The following TET3 variants were observed in gnomAD, a reference collection of about 807,000 sequenced individuals.
TET3 encodes the protein methylcytosine dioxygenase TET3.
TET3 carries 19 observed loss-of-function variants against 141.4 expected under a neutral mutation model. The ratio of observed to expected loss-of-function variants is 0.13; its 90% CI spans 0.09 to 0.20. The LOEUF (loss-of-function observed/expected upper bound fraction) is 0.20. Ranked by LOEUF, TET3 falls within the 10% of genes least tolerant of loss-of-function variation. TET3 has a pLI of 1.00. For synonymous variants in TET3, 1,043 were observed against 980.9 expected (o/e 1.06, Z -1.18); for missense variants, 1,874 against 2,356.9 (o/e 0.80, Z 4.24).
intron 2 of TET3, among the ~76,000 whole-genome samples, chr2:73,996,805 G>A (rs1032801465): frequency 1.3e-5 from 2 of 152,208 alleles, no homozygotes; most frequent in African/African-American, 2.4e-5. Context: ...CACCATGACC[G>A]GCTTGATAAC....
At chr2:74,083,142 C>G (rs756767807) in intron 6 of TET3, among the ~76,000 whole-genome samples, 1 of 152,026 alleles carries the variant, frequency 6.6e-6, no homozygotes, top group Admixed American at 6.6e-5. Flanking sequence ...GAGAGGATGA[C>G]CTAGGAAGCA....
chr2:74,013,669 G>A (rs925339036), intron 3 of TET3, among the ~76,000 whole-genome samples: 3 of 151,984 alleles, frequency 2.0e-5, no homozygotes, highest in South Asian at 2.1e-4. Flanking sequence ...AAAATTAGCC[G>A]GGCGTGGTGG....
intron 3 of TET3, among the ~76,000 whole-genome samples, chr2:74,011,999 C>T (rs373759166): frequency 3.9e-5 from 6 of 152,200 alleles, no homozygotes; most frequent in Non-Finnish European, 5.9e-5. Context: ...CTGGCCCTGC[C>T]GCCCAGGTTG....
intron 3 of TET3, among the ~76,000 whole-genome samples, chr2:74,003,819 A>G (rs1245948149): frequency 3.0e-5 from 3 of 101,106 alleles, no homozygotes; most frequent in African/African-American, 1.2e-4. Context: ...GAAGCAGAGA[A>G]GGGGGCACTG....
chr2:73,984,833 G>C (rs1466416752), upstream of TET3, among the ~76,000 whole-genome samples: 1 of 146,610 alleles, frequency 6.8e-6, no homozygotes, highest in Admixed American at 6.7e-5. The surrounding 1 kb of genome is among the most constrained non-coding windows in gnomAD (Gnocchi z 5.6). Context: ...GGCGGGGCTC[G>C]GCGGGGCCGC....
chr2:74,101,741 C>A lies in TET3; in HGVS notation c.4953C>A (p.Ile1651=). The change falls in exon 12 of 12, where the codon ATC becomes ATA. Residue 1651 remains isoleucine (I), a synonymous_variant. Transcript: ENST00000409262. This position sits in a 1 kb window ranked among gnomAD's most constrained non-coding sequence, Gnocchi z 8.5. Reference sequence around the variant, plus strand: ...AACACAACTTCCTGGACGAGAACATCGGCGGCGTGGCCGTGGCCCCAGCCC... The same window carrying A: ...AACACAACTTCCTGGACGAGAACATAGGCGGCGTGGCCGTGGCCCCAGCCC... ...DSEHNFLDEN[I]GGVAVAPAHG... is the part of the protein sequence containing the mutation. The A allele has an allele frequency of 6.2e-7, 1 of 1,613,306 alleles. No individual in the cohort carries two copies. Among genetic ancestry groups the A allele is most frequent in the African/African-American group, 1.3e-5 (1 of 75,056 alleles).
In TET3 at chr2:73,986,118, G is replaced by A. The variant is rs2272165; in HGVS notation, c.-286G>A. The A allele has an allele frequency of 0.067, 19,050 of 285,598 alleles. 1,910 individuals are homozygous for A. The highest frequency in any genetic ancestry group is 0.25 in the African/African-American group (11,663 of 46,200). The allele number at this position is 285,598 out of a possible 1,614,324, so 17.7% of individuals were successfully genotyped here. On this transcript the variant is annotated 5_prime_UTR_variant, in exon 2 of 12. Coordinates refer to ENST00000409262, the MANE Select transcript of TET3 (RefSeq NM_001287491.2). Reference sequence around the variant, plus strand: ...GGTGGGTGAGGGTGAAGAACCCACCGGGCCAAGATGATCCCTTTTCTGAGG... The same window carrying A: ...GGTGGGTGAGGGTGAAGAACCCACCAGGCCAAGATGATCCCTTTTCTGAGG...
At chr2:74,113,006 C>CAAAAAA (rs60299737), downstream of TET3, among the ~76,000 whole-genome samples, 35 of 34,366 alleles carry the variant, frequency 1.0e-3, 3 homozygotes, top group South Asian at 3.0e-3. Flanking sequence ...GACTCCGTCT[C>CAAAAAA]AAAAAAAAAA....
chr2:74,113,861 TA>T, the TET3 span, among the ~76,000 whole-genome samples: 1 of 151,840 alleles, frequency 6.6e-6, no homozygotes, highest in Non-Finnish European at 1.5e-5. Flanking sequence ...TTCATATTAT[TA>T]ACATAATAAT....
intron 5 of TET3, among the ~76,000 whole-genome samples, chr2:74,074,335 G>C (rs572701956): frequency 7.6e-4 from 115 of 152,302 alleles, no homozygotes; most frequent in African/African-American, 2.6e-3. Context: ...ATTGTTTTTA[G>C]GCTGCTTATG....
intron 5 of TET3, among the ~76,000 whole-genome samples, chr2:74,077,077 C>G (rs1376527377): frequency 6.6e-6 from 1 of 152,232 alleles, no homozygotes; most frequent in South Asian, 2.1e-4. Context: ...GAAGGAGATT[C>G]TCTGCAGCCT....
chr2:74,076,773 C>G (rs892654799), intron 5 of TET3, among the ~76,000 whole-genome samples: 2 of 152,100 alleles, frequency 1.3e-5, no homozygotes, highest in Non-Finnish European at 2.9e-5. Context: ...GTCTCTTTTC[C>G]TAGACTCTTC....
intron 3 of TET3, among the ~76,000 whole-genome samples, chr2:74,006,281 G>A (rs1015469659): frequency 7.2e-5 from 11 of 152,238 alleles, no homozygotes; most frequent in African/African-American, 2.7e-4. Flanking sequence ...AAGGAACTAA[G>A]CAAGAGATTT....
chr2:73,988,990 G>GTTTTTTTTTTTTTTTTTTTTTTTTTTTTT, intron 2 of TET3, among the ~76,000 whole-genome samples: 1 of 106,304 alleles, frequency 9.4e-6, no homozygotes, highest in Non-Finnish European at 2.0e-5. Context: ...AAAAAAAAAA[G>GTTTTTTTTTTTTTTTTTTTTTTTTTTTTT]TTTTTTTTGT....
chr2:74,068,759 G>A (rs549873046), intron 4 of TET3, among the ~76,000 whole-genome samples: 23 of 152,254 alleles, frequency 1.5e-4, no homozygotes, highest in African/African-American at 5.1e-4. Context: ...TTTTTGGTAG[G>A]GACTCCTCTG....
chr2:74,033,689 G>A (rs1475090626), intron 3 of TET3, among the ~76,000 whole-genome samples: 3 of 152,222 alleles, frequency 2.0e-5, no homozygotes, highest in South Asian at 4.1e-4. Flanking sequence ...TCTAGCAAGT[G>A]TGTGATAGTA....
rs1174857008 is a variant in TET3, at chr2:74,093,664, G to A, written c.3265G>A (p.Val1089Met). The A allele has an allele frequency of 6.2e-7, 1 of 1,604,340 alleles. No homozygotes were observed. The highest frequency in any genetic ancestry group is 8.5e-7 in the Non-Finnish European group (1 of 1,174,158). The change falls in exon 10 of 12, where the codon GTG (valine) becomes ATG (methionine). Residue 1089 changes from valine to methionine, a missense_variant and splice_region_variant. This residue lies in a region of TET3 where 53 missense variants were observed against 112.8 expected (regional missense o/e 0.47). Transcript: ENST00000409262. The surrounding 1 kb of genome is among the most constrained non-coding windows in gnomAD (Gnocchi z 4.2). Reference sequence around the variant, plus strand: ...GCATAACCTCTACAATGGGTGCACCGTGGTAAGCCTGTGCCCTGTCATAGC... The same window carrying A: ...GCATAACCTCTACAATGGGTGCACCATGGTAAGCCTGTGCCCTGTCATAGC... ...DQHNLYNGCT[V>M]VCTLTKEDNR...
chr2:74,115,920 T>C, the TET3 span, among the ~76,000 whole-genome samples: 2 of 140,354 alleles, frequency 1.4e-5, no homozygotes, highest in Non-Finnish European at 3.1e-5. Flanking sequence ...GAGGCAGAGG[T>C]GGGAGGACTG....
At chr2:74,091,680 C>T (rs79903846) in intron 8 of TET3, among the ~76,000 whole-genome samples, 2,734 of 152,374 alleles carry the variant, frequency 0.018, 68 homozygotes, top group African/African-American at 0.063. Flanking sequence ...TGGGTCTCCA[C>T]CTTCCATTTC....
Sources: gnomAD v4.1 joint callset for allele counts (sites outside exome capture counted in the v4.1 genomes callset) on GRCh38, gnomAD v4.1.1 for gene constraint, gnomAD v4.1.1 regional missense constraint, Gnocchi (gnomAD v3.1) non-coding constraint, MANE v1.5 for transcripts, NCBI Gene and HGNC (gene_info 2026-07-23, HGNC 2026-07-21) for gene names.